The following ATRNL1 variants were observed in gnomAD, a reference collection of about 807,000 sequenced individuals.
The protein encoded by ATRNL1 is attractin-like protein 1.
ATRNL1 carries 95 observed loss-of-function variants against 182.7 expected under a neutral mutation model. The observed-to-expected ratio is 0.52, with a 90% CI of 0.44 to 0.62. The LOEUF is 0.62. Ranked by LOEUF, ATRNL1 falls within the 20% of genes least tolerant of loss-of-function variation. The pLI, the probability that ATRNL1 is intolerant of heterozygous loss-of-function variation, is 0.00. For synonymous variants in ATRNL1, 576 were observed against 568.3 expected (o/e 1.01, Z -0.19); for missense variants, 1,471 against 1,679.5 (o/e 0.88, Z 2.17).
chr10:115,488,449 G>A (rs1487154982), intron 24 of ATRNL1, among the ~76,000 whole-genome samples: 9 of 152,064 alleles, frequency 5.9e-5, no homozygotes, highest in Non-Finnish European at 1.3e-4. Flanking sequence ...TTTAATCTTG[G>A]GAGTGTGTAT....
chr10:115,759,197 T>G (rs1369671799), intron 27 of ATRNL1, among the ~76,000 whole-genome samples: 2 of 152,214 alleles, frequency 1.3e-5, no homozygotes, highest in Non-Finnish European at 2.9e-5. Flanking sequence ...GAAATTGGCA[T>G]TTTTAAATAA....
At position 115,093,611 on chromosome 10, in the gene ATRNL1, G is replaced by A; in HGVS notation, c.-140G>A. On this transcript the variant is annotated 5_prime_UTR_variant, in exon 1 of 29. Transcript: ENST00000355044. The surrounding 1 kb of genome is among the most constrained non-coding windows in gnomAD (Gnocchi z 6.1). ...CGGTTGGGATCTGTCCCTCCTGACC[G>A]GGGAGCGGGACTCGGACGGGCGCCG... is the stretch of plus-strand genomic sequence containing the variant. 1 of 985,324 alleles carries A rather than the reference G, an allele frequency of 1.0e-6. No homozygotes were observed. Among genetic ancestry groups the A allele is most frequent in the Non-Finnish European group, 1.5e-6 (1 of 658,024 alleles). The allele number at this position is 985,324 out of a possible 1,614,324, so 61.0% of individuals were successfully genotyped here.
chr10:115,943,907 A>G (rs1953803921), intron 28 of ATRNL1, among the ~76,000 whole-genome samples: 1 of 152,174 alleles, frequency 6.6e-6, no homozygotes, highest in Admixed American at 6.5e-5. Flanking sequence ...CGTTAAATAC[A>G]TATTTCTAAG....
At chr10:115,421,210 C>G (rs1312790695) in intron 20 of ATRNL1, among the ~76,000 whole-genome samples, 1 of 152,028 alleles carries the variant, frequency 6.6e-6, no homozygotes, top group African/African-American at 2.4e-5. Flanking sequence ...CCAGCATTAC[C>G]CTGATAACAA....
chr10:115,591,144 A>G (rs1855878017), intron 26 of ATRNL1, among the ~76,000 whole-genome samples: 2 of 152,362 alleles, frequency 1.3e-5, no homozygotes, highest in South Asian at 2.1e-4. Context: ...CTAACATGTG[A>G]GTACACATAC....
At chr10:115,654,323 G>A (rs1440476726) in intron 26 of ATRNL1, among the ~76,000 whole-genome samples, 2 of 151,736 alleles carry the variant, frequency 1.3e-5, no homozygotes, top group South Asian at 2.1e-4. Context: ...GGGTTCAAGC[G>A]ATTCTCCTGC....
chr10:115,770,228 TATTAA>T (rs1948955646), intron 27 of ATRNL1, among the ~76,000 whole-genome samples: 1 of 152,106 alleles, frequency 6.6e-6, no homozygotes, highest in South Asian at 2.1e-4. Flanking sequence ...GCAATATTTA[TATTAA>T]ATTGCTATTT....
chr10:115,786,220 T>A (rs1206690598), intron 27 of ATRNL1, among the ~76,000 whole-genome samples: 4 of 152,110 alleles, frequency 2.6e-5, no homozygotes, highest in Non-Finnish European at 5.9e-5. Flanking sequence ...AATTCCAAAT[T>A]CCAAAGCCAT....
chr10:115,433,032 A>G (rs1335101682), intron 21 of ATRNL1, among the ~76,000 whole-genome samples: 1 of 152,030 alleles, frequency 6.6e-6, no homozygotes, highest in Non-Finnish European at 1.5e-5. Context: ...CACACCCCTA[A>G]TTATTGTGTT....
At chr10:115,913,964 C>T (rs1385342674) in intron 28 of ATRNL1, among the ~76,000 whole-genome samples, 2 of 152,160 alleles carry the variant, frequency 1.3e-5, no homozygotes, top group East Asian at 3.9e-4. Flanking sequence ...CAAATTTCAT[C>T]TTGAATTGTA....
intron 19 of ATRNL1, among the ~76,000 whole-genome samples, chr10:115,365,254 T>G (rs1294760406): frequency 6.6e-6 from 1 of 152,098 alleles, no homozygotes. Context: ...CTTGGGAGAG[T>G]GTATGTATCG....
chr10:115,203,153 C>T (rs1554892913), intron 8 of ATRNL1, among the ~76,000 whole-genome samples: 1 of 152,050 alleles, frequency 6.6e-6, no homozygotes, highest in African/African-American at 2.4e-5. Context: ...GTTATTACAA[C>T]CAGAAGCAGG....
chr10:115,482,550 A>T (rs953922261), intron 24 of ATRNL1, among the ~76,000 whole-genome samples: 1 of 106,552 alleles, frequency 9.4e-6, no homozygotes, highest in Non-Finnish European at 2.5e-5. Context: ...ATAAACAAAT[A>T]TAATAATTTT....
intron 1 of ATRNL1, 61 bp downstream of exon 1, chr10:115,094,104 C>G (rs893757063): frequency 1.6e-5 from 21 of 1,302,842 alleles, no homozygotes; most frequent in Non-Finnish European, 2.0e-5. Context: ...GCGGCCTTCC[C>G]CGCCCCCCTC....
chr10:115,591,457 A>C (rs1855900593), intron 26 of ATRNL1, among the ~76,000 whole-genome samples: 1 of 152,134 alleles, frequency 6.6e-6, no homozygotes, highest in African/African-American at 2.4e-5. Context: ...AGAGGTCTCT[A>C]CTTCACCACT....
intron 4 of ATRNL1, chr10:115,128,438 A>G (rs1027093752): frequency 1.2e-6 from 1 of 802,038 alleles, no homozygotes; most frequent in South Asian, 5.7e-5. Flanking sequence ...AGAATTTTTC[A>G]CCAGAAATAT....
At chr10:115,157,076 A>C (rs562536990) in intron 5 of ATRNL1, among the ~76,000 whole-genome samples, 1 of 152,160 alleles carries the variant, frequency 6.6e-6, no homozygotes, top group African/African-American at 2.4e-5. Flanking sequence ...AATTTATTAT[A>C]TATTTCATAG....
At chr10:115,472,357 A>AT (rs541639728) in intron 24 of ATRNL1, among the ~76,000 whole-genome samples, 11 of 150,496 alleles carry the variant, frequency 7.3e-5, no homozygotes, top group Non-Finnish European at 1.0e-4. Flanking sequence ...GAATTTAAAA[A>AT]TTTTTTTTTC....
intron 26 of ATRNL1, among the ~76,000 whole-genome samples, chr10:115,553,702 C>T (rs11593829): frequency 0.16 from 24,727 of 151,218 alleles, 2,546 homozygotes; most frequent in South Asian, 0.24. Context: ...CTTTGAGTAA[C>T]AAACTGGTTT....
Sources: allele counts gnomAD v4.1 joint callset (sites outside exome capture counted in the v4.1 genomes callset), GRCh38; gene constraint gnomAD v4.1.1; non-coding constraint Gnocchi (gnomAD v3.1); transcripts MANE v1.5; gene names NCBI Gene and HGNC (gene_info 2026-07-23, HGNC 2026-07-21).